Variants in MRPS5 observed in about 807,000 individuals in gnomAD.
MRPS5 encodes mitochondrial ribosomal protein S5.
A neutral mutation model predicts 51.9 loss-of-function variants in MRPS5; 27 were observed. The ratio of observed to expected loss-of-function variants is 0.52; its 90% confidence interval spans 0.38 to 0.72. The LOEUF is 0.72. Ranked by LOEUF, MRPS5 falls within the 30% of genes least tolerant of loss-of-function variation. MRPS5 has a pLI of 0.00. For synonymous variants in MRPS5, 196 were observed against 193.2 expected, an observed-to-expected ratio of 1.01 and a Z score of -0.12; for missense variants, 570 against 545.7, an observed-to-expected ratio of 1.04 and a Z score of -0.44.
At position 95,085,392 on chromosome 2, in the gene MRPS5, T is replaced by A. The variant is rs1220414836; in HGVS notation, c.*1965A>T. Among the ~76,000 whole-genome samples, 1 of 151,992 alleles carries A rather than the reference T, an allele frequency of 6.6e-6. No individual in the cohort carries two copies. The highest frequency in any genetic ancestry group is 1.9e-4 in the East Asian group (1 of 5,202). On this transcript the variant is annotated 3_prime_UTR_variant, in exon 12 of 12. Transcript: ENST00000272418. ...AATTTTGTTTCCCCTCTCCAAAGGA[T>A]CATTGTCTTTTATTGCTTAAAGTTC...
Position 95,114,987 on chromosome 2 carries a change from T to TA in MRPS5, c.277+78dup, listed in dbSNP as rs1161118870. Reference sequence around the variant, plus strand: ...CTAATCACTAAAATCTTAATTCATGTAAAAAAGAAGAAAAATTCAGATATA... The same window carrying TA: ...CTAATCACTAAAATCTTAATTCATGTAAAAAAAGAAGAAAAATTCAGATATA... On this transcript the variant is annotated intron_variant, in intron 3 of 11. Coordinates refer to ENST00000272418, the MANE Select transcript of MRPS5 (RefSeq NM_031902.5). 3.8e-6 allele frequency: 5 copies of TA among 1,314,502 alleles called. No homozygotes were observed. The African/African-American group carries it at 4.5e-5, about 12-fold the overall frequency. 81.4% of individuals were successfully genotyped at this position (1,314,502 alleles called of 1,614,324 possible).
At chr2:95,106,379 A>T in intron 6 of MRPS5, 44 bp downstream of exon 6, 1 of 1,415,814 alleles carries the variant, frequency 7.1e-7, no homozygotes, top group South Asian at 1.2e-5. Flanking sequence ...ACCCACCCCA[A>T]CCTCTCCAAA....
chr2:95,108,044 T>C, intron 5 of MRPS5, 131 bp downstream of exon 5: 1 of 725,716 alleles, frequency 1.4e-6, no homozygotes, highest in Non-Finnish European at 2.3e-6. Flanking sequence ...TGTGATATGT[T>C]ATTTCAAAGA....
At chr2:95,103,269 T>C (rs1265654780) in intron 7 of MRPS5, among the ~76,000 whole-genome samples, 1 of 152,070 alleles carries the variant, frequency 6.6e-6, no homozygotes, top group Non-Finnish European at 1.5e-5. Context: ...AGAAAAATAA[T>C]AACCACCCAA....
At chr2:95,087,626 T>G (rs371416253) in intron 11 of MRPS5, 45 bp from the exon 12 acceptor site, 22 of 1,543,950 alleles carry the variant, frequency 1.4e-5, no homozygotes, top group Middle Eastern at 3.6e-4. Flanking sequence ...GAAGTACATT[T>G]GCAACATAAA....
intron 11 of MRPS5, among the ~76,000 whole-genome samples, chr2:95,089,392 A>G (rs572673357): frequency 2.8e-3 from 428 of 152,330 alleles, no homozygotes; most frequent in Non-Finnish European, 4.0e-3. Flanking sequence ...GAGTTCAGCA[A>G]ATGGAGCCTA....
intron 1 of MRPS5, among the ~76,000 whole-genome samples, chr2:95,118,846 A>G (rs1385049796): frequency 6.6e-6 from 1 of 152,224 alleles, no homozygotes; most frequent in Non-Finnish European, 1.5e-5. Context: ...ATAAAAATTA[A>G]TTCAAAATGC....
At chr2:95,112,873 C>A (rs1451500132) in intron 3 of MRPS5, among the ~76,000 whole-genome samples, 1 of 151,860 alleles carries the variant, frequency 6.6e-6, no homozygotes, top group African/African-American at 2.4e-5. Context: ...GGCGTGGTGG[C>A]GGGTGCCTGT....
intron 3 of MRPS5, among the ~76,000 whole-genome samples, chr2:95,110,369 C>T (rs1344312050): frequency 1.3e-5 from 2 of 152,188 alleles, no homozygotes; most frequent in African/African-American, 4.8e-5. Context: ...ATGATATAGG[C>T]GTCTTCCCTG....
At chr2:95,101,933 C>G (rs745779641) in intron 7 of MRPS5, 1 of 507,046 alleles carries the variant, frequency 2.0e-6, no homozygotes, top group Non-Finnish European at 3.5e-6. Flanking sequence ...GTGGGAGGAT[C>G]GCTTGAGCCC....
chr2:95,088,715 CAT>C (rs1276643201), intron 11 of MRPS5, among the ~76,000 whole-genome samples: 1 of 152,154 alleles, frequency 6.6e-6, no homozygotes, highest in African/African-American at 2.4e-5. Context: ...GGAGAGATGA[CAT>C]ATGGTAACTA....
chr2:95,119,673 T>C (rs1462736165), intron 1 of MRPS5, among the ~76,000 whole-genome samples: 2 of 151,006 alleles, frequency 1.3e-5, no homozygotes, highest in African/African-American at 4.9e-5. Context: ...AGACATTAAG[T>C]GCTGGCAAGG....
intron 3 of MRPS5, 87 bp from the exon 4 acceptor site, chr2:95,110,128 G>C: frequency 6.6e-7 from 1 of 1,514,698 alleles, no homozygotes; most frequent in Non-Finnish European, 8.9e-7. Flanking sequence ...GAGAAGTGGA[G>C]GTCAGCTTAC....
chr2:95,094,592 A>C (rs1453322909), intron 10 of MRPS5, among the ~76,000 whole-genome samples: 1 of 152,232 alleles, frequency 6.6e-6, no homozygotes, highest in Non-Finnish European at 1.5e-5. Flanking sequence ...ACATTCTTAA[A>C]AGAATTTTCA....
At chr2:95,103,332 C>A (rs377560955) in intron 7 of MRPS5, among the ~76,000 whole-genome samples, 1 of 152,156 alleles carries the variant, frequency 6.6e-6, no homozygotes, top group Non-Finnish European at 1.5e-5. Flanking sequence ...GAAATAACAA[C>A]AGCCAATAAA....
chr2:95,106,356 C>A (rs1675947789), intron 6 of MRPS5, 67 bp downstream of exon 6: 2 of 1,065,112 alleles, frequency 1.9e-6, no homozygotes, highest in African/African-American at 1.6e-5. Flanking sequence ...TCCTCTTGCC[C>A]TGTCCCTGCC....
At chr2:95,104,488 T>C in intron 7 of MRPS5, 152 bp downstream of exon 7, 1 of 755,004 alleles carries the variant, frequency 1.3e-6, no homozygotes, top group Middle Eastern at 2.3e-4. Flanking sequence ...GTCATGGACT[T>C]ACCACAAGCT....
At chr2:95,110,131 C>T (rs1676075176) in intron 3 of MRPS5, 90 bp from the exon 4 acceptor site, 1 of 1,491,704 alleles carries the variant, frequency 6.7e-7, no homozygotes, top group African/African-American at 1.4e-5. Context: ...AAGTGGAGGT[C>T]AGCTTACAGC....
intron 1 of MRPS5, 28 bp from the exon 2 acceptor site, chr2:95,117,973 G>C: frequency 6.6e-7 from 1 of 1,522,136 alleles, no homozygotes; most frequent in Non-Finnish European, 9.0e-7. Context: ...AAAAATTTAA[G>C]ATACATTTCT....
Sources: gnomAD v4.1 joint callset for allele counts (sites outside exome capture counted in the v4.1 genomes callset) on GRCh38, gnomAD v4.1.1 for gene constraint, MANE v1.5 for transcripts, NCBI Gene and HGNC (gene_info 2026-07-23, HGNC 2026-07-21) for gene names.